The following FBN2 variants were observed in gnomAD, a reference collection of about 807,000 sequenced individuals.
FBN2 encodes the protein fibrillin 2, also known as fibrillin-2.
Under a neutral mutation model 355.6 loss-of-function variants are expected in FBN2, and 105 were observed. That is an observed-to-expected ratio of 0.30 (90% CI 0.25 to 0.35). The LOEUF is 0.35. FBN2 is among the 10% of genes least tolerant of loss of function. FBN2 has a pLI of 1.00. For missense variants in FBN2, 3,280 were observed against 3,758.7 expected, an observed-to-expected ratio of 0.87 and a Z score of 3.33; for synonymous variants, 1,350 against 1,301.2, an observed-to-expected ratio of 1.04 and a Z score of -0.81.
At chr5:128,277,658 T>C (rs1489544421) in intron 58 of FBN2, among the ~76,000 whole-genome samples, 1 of 152,210 alleles carries the variant, frequency 6.6e-6, no homozygotes, top group Non-Finnish European at 1.5e-5. Context: ...ACAAGTTCTT[T>C]TAAACTCTCT....
chr5:128,446,435 C>G, intron 7 of FBN2, 46 bp downstream of exon 7: 2 of 1,603,468 alleles, frequency 1.2e-6, no homozygotes, highest in Non-Finnish European at 1.7e-6. Context: ...GTTTTTCTTG[C>G]ATTAAAGTCA....
At chr5:128,513,856 C>A (rs1489928176) in intron 5 of FBN2, among the ~76,000 whole-genome samples, 1 of 151,690 alleles carries the variant, frequency 6.6e-6, no homozygotes, top group East Asian at 1.9e-4. Context: ...ATTTTCTTTC[C>A]CTCTGTTCTT....
chr5:128,463,976 C>T (rs927559372), intron 6 of FBN2, among the ~76,000 whole-genome samples: 3 of 152,114 alleles, frequency 2.0e-5, no homozygotes, highest in Non-Finnish European at 4.4e-5. Context: ...TTAGAGAGAC[C>T]ATTTCCGAGC....
At chr5:128,452,484 A>G (rs1754277378) in intron 6 of FBN2, among the ~76,000 whole-genome samples, 1 of 152,134 alleles carries the variant, frequency 6.6e-6, no homozygotes, top group Non-Finnish European at 1.5e-5. Flanking sequence ...AACTTGTTCT[A>G]AAAAATTAAA....
chr5:128,314,030 A>T (rs977075796), intron 36 of FBN2, among the ~76,000 whole-genome samples: 1 of 151,888 alleles, frequency 6.6e-6, no homozygotes, highest in Non-Finnish European at 1.5e-5. Context: ...TCCTTGACTA[A>T]ACTATGGTCT....
At chr5:128,285,119 A>G (rs1749107978) in intron 55 of FBN2, among the ~76,000 whole-genome samples, 1 of 152,222 alleles carries the variant, frequency 6.6e-6, no homozygotes, top group Non-Finnish European at 1.5e-5. Context: ...TATGGTTTTC[A>G]TTAAAGAGGT....
rs533468452 is a variant in FBN2 at position 128,404,617 on chromosome 5, C to T, written c.1078+4057G>A. On this transcript the variant is annotated intron_variant, in intron 8 of 64. Coordinates refer to ENST00000262464, the MANE Select transcript of FBN2 (RefSeq NM_001999.4). ...CTCATTCATTCATTTGCTGGTTTTCCTGTTCATTCAGAAAAGATTTACTCA... is the reference window on the plus strand; with the variant it reads ...CTCATTCATTCATTTGCTGGTTTTCTTGTTCATTCAGAAAAGATTTACTCA... Among the ~76,000 whole-genome samples the T allele has an allele frequency of 1.1e-4, 16 of 152,292 alleles. No homozygotes were observed. In the South Asian group the frequency reaches 2.5e-3, roughly 24 times the overall value.
intron 18 of FBN2, 76 bp downstream of exon 18, chr5:128,364,524 G>A (rs1751717979): frequency 1.4e-6 from 2 of 1,424,340 alleles, no homozygotes; most frequent in African/African-American, 1.4e-5. Flanking sequence ...TTAGTCATTT[G>A]TGTTTTTAAT....
intron 12 of FBN2, 115 bp downstream of exon 12, chr5:128,378,654 CTG>C: frequency 1.8e-6 from 2 of 1,094,214 alleles, no homozygotes; most frequent in South Asian, 2.6e-5. Context: ...ACAAATAAAT[CTG>C]TAATAATGTA....
intron 59 of FBN2, among the ~76,000 whole-genome samples, chr5:128,275,085 G>A (rs1336545148): frequency 1.3e-5 from 2 of 152,064 alleles, no homozygotes; most frequent in Non-Finnish European, 2.9e-5. Flanking sequence ...ATGAAGGTCC[G>A]AACAGAAACA....
Position 128,336,052 on chromosome 5 carries a change from A to C in FBN2, c.3660T>G (p.Ile1220Met), listed in dbSNP as rs558632824. 1.1e-5 allele frequency: 17 copies of C among 1,613,522 alleles called. No individual in the cohort carries two copies. The highest frequency in any genetic ancestry group is 1.4e-5 in the Non-Finnish European group (16 of 1,179,586). The part of the protein sequence containing the change: ...LCRNGKCVNM[I>M]GTYQCSCNPG... Reference sequence around the variant, plus strand: ...GATTGCAAGAGCACTGATAGGTTCCAATCATGTTCACACATTTTCCATTTC... The same window carrying C: ...GATTGCAAGAGCACTGATAGGTTCCCATCATGTTCACACATTTTCCATTTC... Residue 1220 changes from isoleucine (I) to methionine (M), a missense_variant, in exon 28 of 65, where the codon ATT becomes ATG. Ile to Met is a conservative substitution (Grantham distance 10, BLOSUM62 1). Coordinates refer to ENST00000262464, the MANE Select transcript of FBN2 (RefSeq NM_001999.4).
intron 6 of FBN2, among the ~76,000 whole-genome samples, chr5:128,460,509 T>G (rs1464539416): frequency 6.6e-6 from 1 of 152,112 alleles, no homozygotes; most frequent in Admixed American, 6.6e-5. Flanking sequence ...AAAAAACATT[T>G]TAAATTTCAT....
At chr5:128,426,984 C>G (rs1480687270) in intron 7 of FBN2, among the ~76,000 whole-genome samples, 1 of 152,184 alleles carries the variant, frequency 6.6e-6, no homozygotes, top group East Asian at 1.9e-4. Flanking sequence ...TTTATCCAGT[C>G]TCATGGCTTT....
Position 128,292,155 on chromosome 5 carries a change from A to G in FBN2, c.6167-501T>C, listed in dbSNP as rs2126822835. Among the ~76,000 whole-genome samples, 3 of 152,158 alleles carry G rather than the reference A, an allele frequency of 2.0e-5. 1 individual carries two copies. In the South Asian group the frequency reaches 6.2e-4, roughly 32 times the overall value. On this transcript the variant is annotated intron_variant, in intron 48 of 64. Transcript: ENST00000262464. ...CACCAGTCTCTCAACTGATGTCTAC[A>G]TCTCCTGAATGTCTTCTTCTTGTCA...
rs560501907 is a variant in FBN2, at chr5:128,299,500, C to A, written c.6166+1317G>T. On this transcript the variant is annotated intron_variant, in intron 48 of 64. Coordinates refer to ENST00000262464, the MANE Select transcript of FBN2 (RefSeq NM_001999.4). The stretch of plus-strand genomic sequence containing the variant: ...CTCCATGGGCATAGGACCCTCCGAG[C>A]CATGTGCGGGATATAATCTCCTGGT... Among the ~76,000 whole-genome samples the A allele has an allele frequency of 8.6e-5, 13 of 151,414 alleles. No homozygotes were observed. The South Asian group carries it at 2.8e-3, about 32-fold the overall frequency.
intron 8 of FBN2, among the ~76,000 whole-genome samples, chr5:128,407,799 G>A (rs1415351775): frequency 1.3e-5 from 2 of 152,156 alleles, no homozygotes; most frequent in Admixed American, 6.5e-5. Flanking sequence ...TTGGGCACAT[G>A]AGAATCATCA....
At chr5:128,369,591 G>A (rs942093820) in intron 15 of FBN2, among the ~76,000 whole-genome samples, 5 of 152,140 alleles carry the variant, frequency 3.3e-5, no homozygotes, top group Non-Finnish European at 7.3e-5. Flanking sequence ...TCCATTGTCC[G>A]ATGTATTCTT....
chr5:128,287,518 A>T, intron 53 of FBN2, 88 bp from the exon 54 acceptor site: 1 of 1,448,878 alleles, frequency 6.9e-7, no homozygotes, highest in Non-Finnish European at 9.6e-7. Context: ...CTTGGCGGTC[A>T]TACACAAAGC....
Position 128,512,018 on chromosome 5 carries a change from G to A in FBN2, c.628+7255C>T, listed in dbSNP as rs73787609. Among the ~76,000 whole-genome samples the A allele has an allele frequency of 4.0e-3, 602 of 152,238 alleles. 3 individuals carry two copies. Among genetic ancestry groups the A allele is most frequent in the African/African-American group, 0.014 (567 of 41,542 alleles). On this transcript the variant is annotated intron_variant, in intron 5 of 64. Transcript: ENST00000262464. The stretch of plus-strand genomic sequence containing the variant: ...ACACTGACATTTACAATAAAAACAT[G>A]TCAAAACAAGATAAGTAGGGTCTAA...
Sources: allele counts gnomAD v4.1 joint callset (sites outside exome capture counted in the v4.1 genomes callset), GRCh38; gene constraint gnomAD v4.1.1; transcripts MANE v1.5; gene names NCBI Gene and HGNC (gene_info 2026-07-23, HGNC 2026-07-21).